Variants in ZNF670 observed in about 807,000 individuals in gnomAD.
The protein encoded by ZNF670 is zinc finger protein 670.
In ZNF670, 7 loss-of-function variants were observed where a neutral mutation model predicts 10.9. The ratio of observed to expected loss-of-function variants is 0.64; its 90% CI spans 0.36 to 1.20. The LOEUF is 1.20. Among genes scored for constraint, ZNF670 ranks in the 50% most tolerant of loss-of-function variants. The pLI is 0.02. For synonymous variants in ZNF670, 136 were observed against 152.7 expected, an observed-to-expected ratio of 0.89 and a Z score of 0.81; for missense variants, 446 against 458.6, an observed-to-expected ratio of 0.97 and a Z score of 0.25.
chr1:247,063,522 G>T (rs1211822678), intron 1 of ZNF670, among the ~76,000 whole-genome samples: 1 of 147,422 alleles, frequency 6.8e-6, no homozygotes, highest in East Asian at 2.0e-4. Context: ...GGCGGAGCTT[G>T]CAGTGAGCCG....
chr1:247,061,183 AT>A (rs778969843), intron 1 of ZNF670, among the ~76,000 whole-genome samples: 283 of 144,072 alleles, frequency 2.0e-3, no homozygotes, highest in East Asian at 3.6e-3. Flanking sequence ...TTAAAAGTAA[AT>A]TTTTTTTTTT....
rs1216004825 is a variant in ZNF670 at position 247,057,778 on chromosome 1, A to C, written c.4-18241T>G. ...TTCTCACTTACTTGTGAGAACTGAC[A>C]ATTAAAATGACTGAACTTATGGAGA... On this transcript the variant is annotated intron_variant, in intron 1 of 3. Transcript: ENST00000366503. Among the ~76,000 whole-genome samples, 6 of 152,216 alleles carry C rather than the reference A, an allele frequency of 3.9e-5. No homozygotes were observed. The South Asian group carries it at 8.3e-4, about 21-fold the overall frequency.
At chr1:247,072,229 C>A (rs183753126) in intron 1 of ZNF670, among the ~76,000 whole-genome samples, 2 of 151,856 alleles carry the variant, frequency 1.3e-5, no homozygotes, top group Admixed American at 1.3e-4. Flanking sequence ...CAGCTCACTG[C>A]AGCCTGGAAC....
intron 1 of ZNF670, among the ~76,000 whole-genome samples, chr1:247,068,504 C>A (rs901373966): frequency 2.0e-5 from 3 of 150,192 alleles, no homozygotes; most frequent in Admixed American, 6.6e-5. Flanking sequence ...AAAAGACAGG[C>A]AATAGCAAAT....
chr1:247,072,092 C>T (rs890727091), intron 1 of ZNF670, among the ~76,000 whole-genome samples: 3 of 151,544 alleles, frequency 2.0e-5, no homozygotes, highest in African/African-American at 4.8e-5. Context: ...CTCCTGACCT[C>T]GTGATCTGCC....
Position 247,037,843 on chromosome 1 carries a change from C to A in ZNF670, c.776G>T (p.Gly259Val). Residue 259 changes from glycine to valine, a missense_variant, in exon 4 of 4, where the codon GGC (glycine) becomes GTC (valine). By Grantham distance (109) the Gly-to-Val change is moderately radical. Coordinates refer to ENST00000366503, the MANE Select transcript of ZNF670 (RefSeq NM_033213.5). ...GTAAGTGGAACGACTGAAGGCTTTG[C>A]CACATTCCTTACATTCATAGGGTTT... ...GEKPYECKEC[G>V]KAFSRSTYLG... 1.2e-6 allele frequency: 2 copies of A among 1,613,372 alleles called. No homozygotes were observed. The highest frequency in any genetic ancestry group is 8.5e-7 in the Non-Finnish European group (1 of 1,179,800).
At position 247,063,409 on chromosome 1, in the gene ZNF670, C is replaced by T. The variant is rs907376121; in HGVS notation, c.3+15185G>A. ...CCATCCTGGCTAACACGGTGAAACC[C>T]CGTCTCTATTAAAAATACAAAAAAT... On this transcript the variant is annotated intron_variant, in intron 1 of 3. Transcript: ENST00000366503. Among the ~76,000 whole-genome samples the T allele has an allele frequency of 3.3e-5, 5 of 151,828 alleles. No individual in the cohort carries two copies. In the East Asian group the frequency reaches 7.8e-4, roughly 24 times the overall value.
At chr1:247,077,943 G>A (rs1306371434) in intron 1 of ZNF670, among the ~76,000 whole-genome samples, 3 of 152,154 alleles carry the variant, frequency 2.0e-5, no homozygotes, top group Non-Finnish European at 4.4e-5. Context: ...ACTCATGCTT[G>A]TCTTGTAAAT....
intron 1 of ZNF670, among the ~76,000 whole-genome samples, chr1:247,052,540 G>GT (rs956299604): frequency 6.6e-5 from 10 of 150,790 alleles, no homozygotes; most frequent in South Asian, 2.1e-4. Flanking sequence ...AGTTTTTTGG[G>GT]TTTTTTTTTC....
At chr1:247,065,660 G>A (rs1670963522) in intron 1 of ZNF670, among the ~76,000 whole-genome samples, 1 of 152,140 alleles carries the variant, frequency 6.6e-6, no homozygotes, top group South Asian at 2.1e-4. Context: ...AGAACTATTT[G>A]AAAACTATTT....
intron 1 of ZNF670, among the ~76,000 whole-genome samples, chr1:247,058,092 T>C (rs979392753): frequency 6.6e-6 from 1 of 152,194 alleles, no homozygotes; most frequent in Non-Finnish European, 1.5e-5. Context: ...TCAAAATATC[T>C]CATGTAACTC....
In ZNF670 at chr1:247,037,452, C is replaced by A. The variant is rs747220389; in HGVS notation, c.1167G>T (p.Trp389Cys). 2 of 1,587,236 alleles carry A rather than the reference C, an allele frequency of 1.3e-6. No individual in the cohort carries two copies. Among genetic ancestry groups the A allele is most frequent in the South Asian group, 1.2e-5 (1 of 86,212 alleles). ...GGTGTTTTGTTGTTGTTGTTTTTTA[C>A]CACATATAAGCTCTTTCATGCTTTC... Reference protein sequence around the residue: ...SLRKHERAYMW With the variant: ...SLRKHERAYMC The change falls in exon 4 of 4, where the codon TGG becomes TGT. Residue 389 changes from tryptophan (W) to cysteine (C), a missense_variant. Transcript: ENST00000366503.
At chr1:247,077,462 T>C (rs897475351) in intron 1 of ZNF670, among the ~76,000 whole-genome samples, 1 of 152,190 alleles carries the variant, frequency 6.6e-6, no homozygotes, top group Non-Finnish European at 1.5e-5. Flanking sequence ...TGGTAAGATG[T>C]GCACACTCAA....
In ZNF670 at chr1:247,037,546, G is replaced by A. The variant is rs1397592527; in HGVS notation, c.1073C>T (p.Thr358Ile). ...SSSALRSHER[T>I]HTGEKPYECK... ...TTCATAGGGTTTTTCTCCAGTATGA[G>A]TCCTTTCATGGCTTCGAAGGGCACT... The change falls in exon 4 of 4, where the codon ACT (threonine) becomes ATT (isoleucine). Residue 358 changes from threonine (T) to isoleucine (I), a missense_variant. Physicochemically the swap from Thr to Ile is moderately conservative, Grantham distance 89. Transcript: ENST00000366503. 3 of 1,614,096 alleles carry A rather than the reference G, an allele frequency of 1.9e-6. No homozygotes were observed. The highest frequency in any genetic ancestry group is 2.5e-6 in the Non-Finnish European group (3 of 1,179,996).
intron 1 of ZNF670, among the ~76,000 whole-genome samples, chr1:247,070,973 T>C (rs1671100556): frequency 1.3e-5 from 2 of 152,324 alleles, no homozygotes; most frequent in South Asian, 4.1e-4. Context: ...AAATAACAGA[T>C]GTTTGCGAGG....
intron 1 of ZNF670, among the ~76,000 whole-genome samples, chr1:247,059,576 T>C (rs1376899609): frequency 6.6e-6 from 1 of 152,030 alleles, no homozygotes; most frequent in Non-Finnish European, 1.5e-5. Context: ...AAAAACCAAT[T>C]GACTTTATCA....
chr1:247,038,565 C>G (rs768536860), intron 3 of ZNF670, 138 bp from the exon 4 acceptor site: 244 of 853,994 alleles, frequency 2.9e-4, no homozygotes, highest in Admixed American at 3.8e-4. Flanking sequence ...GATATGGGTC[C>G]CCCATAGCTA....
chr1:247,074,127 T>C (rs1671198705), intron 1 of ZNF670, among the ~76,000 whole-genome samples: 1 of 152,216 alleles, frequency 6.6e-6, no homozygotes, highest in African/African-American at 2.4e-5. Flanking sequence ...TAGATGATGC[T>C]TCCTTTACGT....
intron 1 of ZNF670, among the ~76,000 whole-genome samples, chr1:247,059,230 A>T (rs746704378): frequency 6.6e-6 from 1 of 151,990 alleles, no homozygotes. Flanking sequence ...TCATGAGGTC[A>T]GGAGATCGAG....
Sources: allele counts gnomAD v4.1 joint callset (sites outside exome capture counted in the v4.1 genomes callset), GRCh38; gene constraint gnomAD v4.1.1; transcripts MANE v1.5; gene names NCBI Gene and HGNC (gene_info 2026-07-23, HGNC 2026-07-21).